The following EPHA7 variants were observed in gnomAD, a reference collection of about 807,000 sequenced individuals.
EPHA7 encodes the protein ephrin type-A receptor 7.
EPHA7 carries 25 observed loss-of-function variants against 112.6 expected under a neutral mutation model. The ratio of observed to expected loss-of-function variants is 0.22; its 90% CI spans 0.16 to 0.31. The LOEUF (loss-of-function observed/expected upper bound fraction) is 0.31, where lower values mean the gene tolerates loss of function less well. Ranked by LOEUF, EPHA7 falls within the 10% of genes least tolerant of loss-of-function variation. The pLI is 1.00. For synonymous variants in EPHA7, 437 were observed against 406.5 expected, an observed-to-expected ratio of 1.07 and a Z score of -0.90; for missense variants, 962 against 1,212.6, an observed-to-expected ratio of 0.79 and a Z score of 3.07.
At chr6:93,363,904 T>C (rs1318607822) in intron 3 of EPHA7, among the ~76,000 whole-genome samples, 5 of 152,294 alleles carry the variant, frequency 3.3e-5, no homozygotes, top group East Asian at 3.9e-4. Context: ...ACAACATGGA[T>C]GAATCTTTAA....
At chr6:93,317,329 G>A (rs557860802) in intron 5 of EPHA7, among the ~76,000 whole-genome samples, 1 of 152,238 alleles carries the variant, frequency 6.6e-6, no homozygotes, top group East Asian at 1.9e-4. Flanking sequence ...ACAGGTGGGA[G>A]CCAGTCCTAG....
rs903839039 is a variant in EPHA7, at chr6:93,255,711, A to G, written c.2382+117T>C. The G allele has an allele frequency of 1.7e-5, 15 of 895,972 alleles. No individual in the cohort carries two copies. The African/African-American group carries it at 1.9e-4, about 11-fold the overall frequency. The allele number at this position is 895,972 out of a possible 1,614,324, so 55.5% of individuals were successfully genotyped here. On this transcript the variant is annotated intron_variant, in intron 13 of 16. Transcript: ENST00000369303. ...ACAAAAAACAAAAAAAGCAACCTCA[A>G]AATGCTTAGCTCAATTTGCTTCATT... is the stretch of plus-strand genomic sequence containing the variant.
In EPHA7 at chr6:93,410,859, A is replaced by G; in HGVS notation, c.474T>C (p.Gly158=). ...TIAADESFTQ[G]DLGERKMKLN... ...GCTTCATCTTTCTTTCACCAAGGTC[A>G]CCTTGGGTAAAACTTTCATCTGCAG... The change falls in exon 3 of 17, where the codon GGT becomes GGC. Residue 158 remains glycine (G), a synonymous_variant. Transcript: ENST00000369303. This position sits in a 1 kb window ranked among gnomAD's most constrained non-coding sequence, Gnocchi z 4.0. The G allele has an allele frequency of 1.2e-6, 2 of 1,614,004 alleles. No individual in the cohort carries two copies. Among genetic ancestry groups the G allele is most frequent in the African/African-American group, 2.7e-5 (2 of 75,006 alleles).
At chr6:93,387,322 T>C (rs1049708347) in intron 3 of EPHA7, among the ~76,000 whole-genome samples, 3 of 152,032 alleles carry the variant, frequency 2.0e-5, no homozygotes, top group Non-Finnish European at 4.4e-5. Context: ...TCCCAATAAT[T>C]TCCTCATCTC....
intron 3 of EPHA7, among the ~76,000 whole-genome samples, chr6:93,406,251 T>G (rs1290158379): frequency 6.6e-6 from 1 of 151,702 alleles, no homozygotes; most frequent in Admixed American, 6.6e-5. Flanking sequence ...ATTTCTATAT[T>G]CTGATATATG....
At chr6:93,333,154 C>A (rs1358020638) in intron 5 of EPHA7, among the ~76,000 whole-genome samples, 3 of 151,672 alleles carry the variant, frequency 2.0e-5, no homozygotes, top group South Asian at 2.1e-4. Flanking sequence ...TCTTTTCCTG[C>A]ATTAATTTGT....
chr6:93,279,140 C>T (rs1428358843), intron 5 of EPHA7, among the ~76,000 whole-genome samples: 1 of 152,068 alleles, frequency 6.6e-6, no homozygotes, highest in East Asian at 1.9e-4. Flanking sequence ...CCCAACCTGT[C>T]CCCATGTAAC....
chr6:93,261,679 A>G (rs1770694566), intron 9 of EPHA7, among the ~76,000 whole-genome samples: 1 of 151,534 alleles, frequency 6.6e-6, no homozygotes, highest in South Asian at 2.1e-4. Flanking sequence ...ATTTTAAAAT[A>G]TTATTTTGAT....
chr6:93,260,508 C>A, intron 9 of EPHA7: 2 of 952,758 alleles, frequency 2.1e-6, no homozygotes, highest in Non-Finnish European at 2.5e-6. Flanking sequence ...TTTAACAAAG[C>A]CACTGAACAA....
At chr6:93,293,541 C>T (rs947289439) in intron 5 of EPHA7, among the ~76,000 whole-genome samples, 3 of 151,984 alleles carry the variant, frequency 2.0e-5, no homozygotes, top group African/African-American at 4.8e-5. Flanking sequence ...AAGAAAATAT[C>T]GTCATTCTCA....
At chr6:93,323,738 C>T (rs1290995053) in intron 5 of EPHA7, among the ~76,000 whole-genome samples, 5 of 151,414 alleles carry the variant, frequency 3.3e-5, no homozygotes, top group South Asian at 2.1e-4. Flanking sequence ...TACAGTGCTG[C>T]TCTTTAGCAT....
chr6:93,269,376 TA>T, intron 7 of EPHA7, 100 bp downstream of exon 7: 1 of 893,606 alleles, frequency 1.1e-6, no homozygotes, highest in Non-Finnish European at 1.6e-6. Flanking sequence ...TTTGTAAATG[TA>T]AAAATTATGA....
At chr6:93,355,195 T>C (rs1347378859) in intron 5 of EPHA7, among the ~76,000 whole-genome samples, 1 of 152,170 alleles carries the variant, frequency 6.6e-6, no homozygotes, top group Admixed American at 6.5e-5. Flanking sequence ...CACTTATTTT[T>C]TGTCTAATTA....
intron 5 of EPHA7, among the ~76,000 whole-genome samples, chr6:93,352,427 A>T (rs1411126053): frequency 6.6e-6 from 1 of 152,116 alleles, no homozygotes. Context: ...AATAGGATTT[A>T]CTTTTATACT....
intron 5 of EPHA7, among the ~76,000 whole-genome samples, chr6:93,281,761 T>A (rs1771751106): frequency 6.6e-6 from 1 of 152,174 alleles, no homozygotes; most frequent in South Asian, 2.1e-4. Flanking sequence ...TTTGACATGA[T>A]AACATAGTCT....
rs1772348592 is a variant in EPHA7 at position 93,291,290 on chromosome 6, C to T, written c.1325-18868G>A. Among the ~76,000 whole-genome samples, 3 of 152,188 alleles carry T rather than the reference C, an allele frequency of 2.0e-5. No homozygotes were observed. In the South Asian group the frequency reaches 6.2e-4, roughly 32 times the overall value. Reference sequence around the variant, plus strand: ...AAAATTTTATTTTGAATGCAATGTTCCTTATGCAATGTTTTAAAATAAGAA... The same window carrying T: ...AAAATTTTATTTTGAATGCAATGTTTCTTATGCAATGTTTTAAAATAAGAA... On this transcript the variant is annotated intron_variant, in intron 5 of 16. Transcript: ENST00000369303.
In EPHA7 at chr6:93,335,091, T is replaced by TCA. The variant is rs1427122553; in HGVS notation, c.1324+21624_1324+21625dup. ...CCTTCGGCAATTTGTTTAACTTCTC[T>TCA]CAGCATTTGGAGTAATAACATATTC... On this transcript the variant is annotated intron_variant, in intron 5 of 16. Coordinates refer to ENST00000369303, the MANE Select transcript of EPHA7 (RefSeq NM_004440.4). 9.9e-5 allele frequency among the ~76,000 whole-genome samples: 15 copies of TCA among 152,208 alleles called. No individual in the cohort carries two copies. The East Asian group carries it at 2.9e-3, about 29-fold the overall frequency.
At chr6:93,282,005 A>G (rs933410061) in intron 5 of EPHA7, among the ~76,000 whole-genome samples, 2 of 152,060 alleles carry the variant, frequency 1.3e-5, no homozygotes, top group African/African-American at 4.8e-5. Context: ...TTACATATAT[A>G]TGTCACTATG....
At chr6:93,291,404 C>T (rs887187204) in intron 5 of EPHA7, among the ~76,000 whole-genome samples, 1 of 152,126 alleles carries the variant, frequency 6.6e-6, no homozygotes, top group African/African-American at 2.4e-5. Flanking sequence ...CGTCTAATCA[C>T]ACAGGCAAAT....
Sources: gnomAD v4.1 joint callset for allele counts (sites outside exome capture counted in the v4.1 genomes callset) on GRCh38, gnomAD v4.1.1 for gene constraint, Gnocchi (gnomAD v3.1) non-coding constraint, MANE v1.5 for transcripts, NCBI Gene and HGNC (gene_info 2026-07-23, HGNC 2026-07-21) for gene names.